The following RAPGEF2 variants were observed in gnomAD, a reference collection of about 807,000 sequenced individuals.
The protein encoded by RAPGEF2 is PDZ domain containing guanine nucleotide exchange factor (GEF) 1.
A neutral mutation model predicts 186.7 loss-of-function variants in RAPGEF2; 54 were observed. The ratio of observed to expected loss-of-function variants is 0.29; its 90% CI spans 0.23 to 0.36. The LOEUF is 0.36. Ranked by LOEUF, RAPGEF2 falls within the 10% of genes least tolerant of loss-of-function variation. The pLI is 1.00. For synonymous variants in RAPGEF2, 712 were observed against 705.9 expected (o/e 1.01, Z -0.14); for missense variants, 1,532 against 2,045.0 (o/e 0.75, Z 4.84).
intron 17 of RAPGEF2, among the ~76,000 whole-genome samples, chr4:159,335,946 T>A (rs1419030401): frequency 6.6e-6 from 1 of 151,944 alleles, no homozygotes; most frequent in African/African-American, 2.4e-5. Context: ...GAGCCCATAG[T>A]AATGATCTCG....
chr4:159,107,408 T>C (rs1022480706), intron 1 of RAPGEF2, among the ~76,000 whole-genome samples: 4 of 152,180 alleles, frequency 2.6e-5, no homozygotes, highest in African/African-American at 7.2e-5. Flanking sequence ...TGTTAACTTG[T>C]TGAGTTCAGG....
chr4:159,247,839 C>T (rs1379015400), intron 7 of RAPGEF2, among the ~76,000 whole-genome samples: 3 of 147,426 alleles, frequency 2.0e-5, no homozygotes, highest in Non-Finnish European at 3.0e-5. Flanking sequence ...TCTGGCTCAC[C>T]GCAACTTCTG....
At chr4:159,139,673 A>C (rs1742102468) in intron 1 of RAPGEF2, among the ~76,000 whole-genome samples, 1 of 152,166 alleles carries the variant, frequency 6.6e-6, no homozygotes. Flanking sequence ...TTAAGCTCAA[A>C]ATTATTCTAA....
chr4:159,171,392 C>T (rs75893245), intron 1 of RAPGEF2, among the ~76,000 whole-genome samples: 3,280 of 152,182 alleles, frequency 0.022, 122 homozygotes, highest in South Asian at 0.12. Context: ...TCCTATTTTA[C>T]GGGTGGAGAG....
At chr4:159,240,316 TC>T in intron 5 of RAPGEF2, among the ~76,000 whole-genome samples, 1 of 145,584 alleles carries the variant, frequency 6.9e-6, no homozygotes, top group East Asian at 2.0e-4. Flanking sequence ...CCCTGTTCAT[TC>T]ATCAGCATTT....
intron 1 of RAPGEF2, among the ~76,000 whole-genome samples, chr4:159,134,202 A>G (rs1741444471): frequency 6.6e-6 from 1 of 152,086 alleles, no homozygotes; most frequent in East Asian, 1.9e-4. Flanking sequence ...TTGCCTTTTT[A>G]AGAATGTCTT....
chr4:159,117,914 A>G (rs1036046098), intron 1 of RAPGEF2, among the ~76,000 whole-genome samples: 3 of 152,184 alleles, frequency 2.0e-5, no homozygotes, highest in South Asian at 4.1e-4. Flanking sequence ...AAAAATAGGA[A>G]GGTCATAGTT....
intron 28 of RAPGEF2, 104 bp from the exon 29 acceptor site, chr4:159,355,749 T>A: frequency 9.0e-7 from 1 of 1,109,224 alleles, no homozygotes; most frequent in Non-Finnish European, 1.3e-6. Flanking sequence ...AATGCACATC[T>A]GCTGCTACAC....
chr4:159,335,889 TTG>T (rs1381910016), intron 17 of RAPGEF2, among the ~76,000 whole-genome samples: 1 of 151,690 alleles, frequency 6.6e-6, no homozygotes, highest in South Asian at 2.1e-4. Flanking sequence ...ATGCTAATAT[TTG>T]TAGCCTTTTG....
At chr4:159,114,564 T>A (rs868393010) in intron 1 of RAPGEF2, among the ~76,000 whole-genome samples, 1 of 152,314 alleles carries the variant, frequency 6.6e-6, no homozygotes, top group Middle Eastern at 3.4e-3. Context: ...TTCACCTTTA[T>A]TCCTACCTGA....
intron 7 of RAPGEF2, among the ~76,000 whole-genome samples, chr4:159,251,364 A>G (rs1300305234): frequency 6.6e-6 from 1 of 152,254 alleles, no homozygotes; most frequent in African/African-American, 2.4e-5. Context: ...CGTGGGATCC[A>G]CTAGGCAAAG....
At chr4:159,220,607 T>G (rs568456773) in intron 4 of RAPGEF2, among the ~76,000 whole-genome samples, 5 of 152,180 alleles carry the variant, frequency 3.3e-5, no homozygotes, top group Admixed American at 6.5e-5. Flanking sequence ...GACATACTTT[T>G]GTCTAAGCTG....
chr4:159,288,402 A>G (rs1354318923), intron 7 of RAPGEF2, among the ~76,000 whole-genome samples: 2 of 152,166 alleles, frequency 1.3e-5, no homozygotes, highest in Non-Finnish European at 2.9e-5. Flanking sequence ...GAATAGCTGA[A>G]TACAGAGGCT....
intron 1 of RAPGEF2, among the ~76,000 whole-genome samples, chr4:159,184,460 T>A (rs1045919505): frequency 5.9e-5 from 9 of 152,192 alleles, no homozygotes; most frequent in Non-Finnish European, 1.0e-4. Flanking sequence ...GGTATCTCAT[T>A]GTGGTTTTGA....
chr4:159,334,472 C>G (rs1025388201), intron 17 of RAPGEF2, among the ~76,000 whole-genome samples: 6 of 152,102 alleles, frequency 3.9e-5, no homozygotes, highest in African/African-American at 7.2e-5. Context: ...TGGTCTCGAT[C>G]TCCTGTCCTC....
intron 2 of RAPGEF2, among the ~76,000 whole-genome samples, chr4:159,192,948 C>G (rs1281702191): frequency 6.6e-6 from 1 of 152,080 alleles, no homozygotes; most frequent in Non-Finnish European, 1.5e-5. Flanking sequence ...AATGTTCTTC[C>G]CCATAAAATA....
chr4:159,278,961 A>G (rs1759299498), intron 7 of RAPGEF2, among the ~76,000 whole-genome samples: 1 of 152,200 alleles, frequency 6.6e-6, no homozygotes, highest in South Asian at 2.1e-4. Flanking sequence ...ACTTGAGTAC[A>G]CTTGATGTTT....
At chr4:159,172,403 T>A (rs776416984) in intron 1 of RAPGEF2, among the ~76,000 whole-genome samples, 5 of 152,184 alleles carry the variant, frequency 3.3e-5, no homozygotes, top group Non-Finnish European at 5.9e-5. Context: ...TGTTCCTTTC[T>A]GATTGTGATG....
intron 3 of RAPGEF2, among the ~76,000 whole-genome samples, chr4:159,202,933 T>C (rs1212864436): frequency 6.6e-6 from 1 of 152,212 alleles, no homozygotes; most frequent in African/African-American, 2.4e-5. Flanking sequence ...TGACTGGGCC[T>C]CACTTAAGTT....
Sources: allele counts gnomAD v4.1 joint callset (sites outside exome capture counted in the v4.1 genomes callset), GRCh38; gene constraint gnomAD v4.1.1; transcripts MANE v1.5; gene names NCBI Gene and HGNC (gene_info 2026-07-23, HGNC 2026-07-21).